Variants in SCAPER observed in about 807,000 individuals in gnomAD.
SCAPER encodes S phase cyclin A-associated protein in the endoplasmic reticulum.
In SCAPER, 98 loss-of-function variants were observed where a neutral mutation model predicts 182.2. The observed-to-expected ratio is 0.54, with a 90% confidence interval of 0.46 to 0.64. The LOEUF (loss-of-function observed/expected upper bound fraction) is 0.64, where lower values mean the gene tolerates loss of function less well. Ranked by LOEUF, SCAPER falls within the 30% of genes least tolerant of loss-of-function variation. The pLI is 0.00. For synonymous variants in SCAPER, 605 were observed against 564.6 expected (o/e 1.07, Z -1.01); for missense variants, 1,432 against 1,690.0 (o/e 0.85, Z 2.68).
intron 21 of SCAPER, among the ~76,000 whole-genome samples, chr15:76,630,822 A>G (rs1428613812): frequency 6.6e-6 from 1 of 152,200 alleles, no homozygotes; most frequent in East Asian, 1.9e-4. Context: ...CACTTGATCC[A>G]GAGCTGAGTT....
At chr15:76,835,799 T>G (rs1184837167) in intron 5 of SCAPER, among the ~76,000 whole-genome samples, 1 of 152,042 alleles carries the variant, frequency 6.6e-6, no homozygotes, top group Non-Finnish European at 1.5e-5. Context: ...CCTTATAGTC[T>G]CTGTCCAAAG....
intron 26 of SCAPER, among the ~76,000 whole-genome samples, chr15:76,431,256 A>C (rs561449463): frequency 1.1e-4 from 16 of 152,348 alleles, no homozygotes; most frequent in African/African-American, 3.8e-4. Context: ...AAATAAAATT[A>C]GTTGGATATG....
chr15:76,422,093 T>C (rs1267261427), intron 26 of SCAPER, among the ~76,000 whole-genome samples: 1 of 152,218 alleles, frequency 6.6e-6, no homozygotes, highest in East Asian at 1.9e-4. Context: ...TAGGATTGTC[T>C]TGGCAATGCG....
chr15:76,515,989 T>C (rs572056275), intron 23 of SCAPER, among the ~76,000 whole-genome samples: 2 of 152,218 alleles, frequency 1.3e-5, no homozygotes, highest in South Asian at 4.1e-4. Flanking sequence ...TTACTGGTCC[T>C]TGTCTGTGCT....
At chr15:76,838,413 A>G (rs2069143387) in intron 5 of SCAPER, among the ~76,000 whole-genome samples, 1 of 152,188 alleles carries the variant, frequency 6.6e-6, no homozygotes, top group Non-Finnish European at 1.5e-5. Context: ...AGAGTTTTAC[A>G]TATACTCACC....
chr15:76,520,699 T>C (rs1210500226), intron 23 of SCAPER, among the ~76,000 whole-genome samples: 2 of 152,160 alleles, frequency 1.3e-5, no homozygotes, highest in Admixed American at 6.5e-5. Context: ...ATGAGGTTGA[T>C]ACAATTACTA....
At chr15:76,567,249 TAGTCC>T (rs1437402584) in intron 23 of SCAPER, 1 of 413,310 alleles carries the variant, frequency 2.4e-6, no homozygotes, top group African/African-American at 2.0e-5. Flanking sequence ...TGTTGAATAA[TAGTCC>T]ATTATATGAA....
At chr15:76,793,209 T>TAGC (rs2065111266) in intron 8 of SCAPER, 9 of 1,158,832 alleles carry the variant, frequency 7.8e-6, no homozygotes, top group Non-Finnish European at 1.1e-5. Context: ...GCTACTGTTA[T>TAGC]TATATATTAC....
At chr15:76,400,421 T>C (rs1045587455) in intron 27 of SCAPER, among the ~76,000 whole-genome samples, 1 of 152,240 alleles carries the variant, frequency 6.6e-6, no homozygotes, top group Non-Finnish European at 1.5e-5. Flanking sequence ...ATTTAATGCA[T>C]GCAACAAAAT....
At chr15:76,454,171 T>C (rs1056441347) in intron 25 of SCAPER, among the ~76,000 whole-genome samples, 6 of 152,334 alleles carry the variant, frequency 3.9e-5, no homozygotes, top group South Asian at 2.1e-4. Flanking sequence ...TGTTTTTTTT[T>C]CTTATTGTTT....
rs574236030 is a variant in SCAPER, at chr15:76,351,321, A to G, written c.4048-33T>C. ...AGGAGAGAAAAGTGTTTTTCTATCA[A>G]TGCTATGAACAGAGAATTTCACTAA... On this transcript the variant is annotated intron_variant, in intron 30 of 31. Coordinates refer to ENST00000563290, the MANE Select transcript of SCAPER (RefSeq NM_020843.4). 89 of 1,583,268 alleles carry G rather than the reference A, an allele frequency of 5.6e-5. No homozygotes were observed. In the East Asian group the frequency reaches 1.8e-3, roughly 32 times the overall value.
At chr15:76,665,930 A>G (rs879934016) in intron 20 of SCAPER, 141 bp from the exon 21 acceptor site, 18 of 727,040 alleles carry the variant, frequency 2.5e-5, no homozygotes, top group Non-Finnish European at 3.6e-5. Context: ...TACAATTGTT[A>G]TGGAAAACGT....
At chr15:76,660,177 G>A (rs1159304307) in intron 21 of SCAPER, among the ~76,000 whole-genome samples, 1 of 152,170 alleles carries the variant, frequency 6.6e-6, no homozygotes, top group Non-Finnish European at 1.5e-5. Context: ...ATAAGTGGGA[G>A]TGAAACACTG....
At chr15:76,400,422 G>A (rs2044378692) in intron 27 of SCAPER, among the ~76,000 whole-genome samples, 1 of 152,152 alleles carries the variant, frequency 6.6e-6, no homozygotes, top group Non-Finnish European at 1.5e-5. Context: ...TTTAATGCAT[G>A]CAACAAAATG....
intron 21 of SCAPER, among the ~76,000 whole-genome samples, chr15:76,659,458 C>T (rs2055941631): frequency 6.6e-6 from 1 of 152,134 alleles, no homozygotes; most frequent in South Asian, 2.1e-4. Context: ...TTTGTAGAAA[C>T]AGGGTCTTGC....
At chr15:76,773,447 G>C (rs1026484090) in intron 9 of SCAPER, among the ~76,000 whole-genome samples, 6 of 151,880 alleles carry the variant, frequency 4.0e-5, no homozygotes, top group South Asian at 2.1e-4. Flanking sequence ...CAGCAAAAAT[G>C]CTAGCTGTTG....
At chr15:76,495,601 A>AT (rs1491523576) in intron 24 of SCAPER, among the ~76,000 whole-genome samples, 1 of 138,758 alleles carries the variant, frequency 7.2e-6, no homozygotes, top group Non-Finnish European at 1.6e-5. Flanking sequence ...AAAAAAAAAA[A>AT]GAGAGAGAGA....
chr15:76,547,588 C>A (rs145239454), intron 23 of SCAPER, among the ~76,000 whole-genome samples: 4 of 152,176 alleles, frequency 2.6e-5, no homozygotes, highest in African/African-American at 9.6e-5. Flanking sequence ...TATATTTCTT[C>A]TAAATGTTAA....
chr15:76,718,390 C>T (rs565533082), intron 17 of SCAPER, among the ~76,000 whole-genome samples: 8 of 152,000 alleles, frequency 5.3e-5, no homozygotes, highest in Admixed American at 5.2e-4. Context: ...AGTTAATATC[C>T]AAAATATAAA....
Sources: gnomAD v4.1 joint callset for allele counts (sites outside exome capture counted in the v4.1 genomes callset) on GRCh38, gnomAD v4.1.1 for gene constraint, MANE v1.5 for transcripts, NCBI Gene and HGNC (gene_info 2026-07-23, HGNC 2026-07-21) for gene names.